The following RUSF1 variants were observed in gnomAD, a reference collection of about 807,000 sequenced individuals.
RUSF1 encodes the protein RUS family member 1.
A neutral mutation model predicts 63.0 loss-of-function variants in RUSF1; 58 were observed. That is an observed-to-expected ratio of 0.92 (90% confidence interval 0.75 to 1.15). RUSF1 has a LOEUF of 1.15. RUSF1 is among the 50% of genes most tolerant of loss of function. The pLI, the probability that RUSF1 is intolerant of heterozygous loss-of-function variation, is 0.00. For missense variants in RUSF1, 652 were observed against 611.0 expected, an observed-to-expected ratio of 1.07 and a Z score of -0.71; for synonymous variants, 274 against 255.8, an observed-to-expected ratio of 1.07 and a Z score of -0.68.
rs138861487 is a variant in RUSF1 at position 31,490,128 on chromosome 16, C to T, written c.*707G>A. 32 of 1,614,032 alleles carry T rather than the reference C, an allele frequency of 2.0e-5. No homozygotes were observed. Among genetic ancestry groups the T allele is most frequent in the African/African-American group, 4.0e-5 (3 of 75,036 alleles). On this transcript the variant is annotated 3_prime_UTR_variant, in exon 13 of 13. Transcript: ENST00000327237. ...GCTCCACCGCCTGGTCTTCAGTCTC[C>T]GGCATAGCAAGGAGGAACGGGAGGA...
In RUSF1 at chr16:31,499,182, AGAAACATCT is replaced by A. The variant is rs2082619252; in HGVS notation, c.600+111_600+119del. On this transcript the variant is annotated intron_variant, in intron 5 of 12. Transcript: ENST00000327237. ...TCAGAAAGGATGGTTGGGTTCGAGT[AGAAACATCT>A]GAACTTTCTTATTCTTCTTGAAGTG... 4.3e-6 allele frequency: 4 copies of A among 926,766 alleles called. No homozygotes were observed. The East Asian group carries it at 1.0e-4, about 24-fold the overall frequency. The allele number at this position is 926,766 out of a possible 1,614,324, so 57.4% of individuals were successfully genotyped here.
rs376015632 is a variant in RUSF1 at position 31,493,758 on chromosome 16, G to C, written c.803C>G (p.Thr268Ser). 4 of 1,614,266 alleles carry C rather than the reference G, an allele frequency of 2.5e-6. No homozygotes were observed. The highest frequency in any genetic ancestry group is 3.4e-6 in the Non-Finnish European group (4 of 1,180,052). Reference protein sequence around the residue: ...GFSLGCFFFLTALHIYANYRA... With the variant: ...GFSLGCFFFLSALHIYANYRA... The stretch of plus-strand genomic sequence containing the variant: ...GTAGTTGGCGTAGATGTGGAGGGCA[G>C]TGAGGAAGAAGAAACATCCAAGGCT... Residue 268 changes from threonine to serine, a missense_variant, in exon 8 of 13, where the codon ACT becomes AGT. By Grantham distance (58) the Thr-to-Ser change is moderately conservative. Coordinates refer to ENST00000327237, the MANE Select transcript of RUSF1 (RefSeq NM_022744.4).
intron 2 of RUSF1, among the ~76,000 whole-genome samples, chr16:31,501,679 G>C (rs180983788): frequency 6.6e-6 from 1 of 151,968 alleles, no homozygotes; most frequent in East Asian, 1.9e-4. Flanking sequence ...CAGAGTAAGA[G>C]AAGTCTCTGG....
rs776022013 is a variant in RUSF1 at position 31,490,287 on chromosome 16, G to A, written c.*548C>T. On this transcript the variant is annotated 3_prime_UTR_variant, in exon 13 of 13. Transcript: ENST00000327237. ...GGAGCTGAGTTCCCGCAAACTAACT[G>A]CAGGGCCTCAATTTCCCTCAGAGCC... 2.4e-5 allele frequency: 38 copies of A among 1,613,394 alleles called. No homozygotes were observed. The highest frequency in any genetic ancestry group is 5.5e-5 in the South Asian group (5 of 91,020).
intron 12 of RUSF1, among the ~76,000 whole-genome samples, chr16:31,491,179 C>T (rs2082565092): frequency 6.6e-6 from 1 of 152,210 alleles, no homozygotes; most frequent in Non-Finnish European, 1.5e-5. Context: ...GGCCTCCCTG[C>T]TCCATCCTCC....
intron 2 of RUSF1, among the ~76,000 whole-genome samples, chr16:31,504,682 T>C (rs769510866): frequency 6.6e-6 from 1 of 152,204 alleles, no homozygotes; most frequent in Non-Finnish European, 1.5e-5. Flanking sequence ...GATGGTGAAA[T>C]AGCACAAACT....
chr16:31,505,889 C>G (rs1256587887), intron 2 of RUSF1, among the ~76,000 whole-genome samples: 1 of 152,158 alleles, frequency 6.6e-6, no homozygotes, highest in East Asian at 1.9e-4. Context: ...GTAACCTTTT[C>G]ACCAAAACAG....
chr16:31,497,008 A>C, intron 5 of RUSF1, 58 bp from the exon 6 acceptor site: 11 of 1,392,230 alleles, frequency 7.9e-6, no homozygotes, highest in Non-Finnish European at 1.1e-5. Flanking sequence ...TAACACAGGC[A>C]CTCAGACCAG....
At chr16:31,498,634 C>T (rs1453613926) in intron 5 of RUSF1, among the ~76,000 whole-genome samples, 2 of 152,206 alleles carry the variant, frequency 1.3e-5, no homozygotes, top group Admixed American at 6.5e-5. Context: ...AAGGGTTGTG[C>T]AGGCAACAGC....
Position 31,490,920 on chromosome 16 carries a change from G to A in RUSF1, c.1322C>T (p.Ala441Val). The change falls in exon 13 of 13, where the codon GCC becomes GTC. Residue 441 changes from alanine to valine, a missense_variant. Coordinates refer to ENST00000327237, the MANE Select transcript of RUSF1 (RefSeq NM_022744.4). ...CTGGTGCTTCTCGGTCTTCCAGCCG[G>A]CATCCTGCAGTCCTGGGGAGAGATC... Reference protein sequence around the residue: ...FPKFLKGLQDAGWKTEKHQLE... With the variant: ...FPKFLKGLQDVGWKTEKHQLE... 1 of 1,614,052 alleles carries A rather than the reference G, an allele frequency of 6.2e-7. No homozygotes were observed. The highest frequency in any genetic ancestry group is 8.5e-7 in the Non-Finnish European group (1 of 1,180,026).
rs115682779 is a variant in RUSF1 at position 31,506,553 on chromosome 16, G to T, written c.415+1211C>A. On this transcript the variant is annotated intron_variant, in intron 2 of 12. Transcript: ENST00000327237. ...TCCCAGCACTTTGGGAAGCTGAGGC[G>T]AATGGATCACCCGAAGTCAGGAGTT... Among the ~76,000 whole-genome samples, 848 of 152,310 alleles carry T rather than the reference G, an allele frequency of 5.6e-3. 6 individuals are homozygous for T. The highest frequency in any genetic ancestry group is 0.019 in the African/African-American group (809 of 41,568).
chr16:31,490,548 T>TG lies in RUSF1; in HGVS notation c.*286dup. 1 of 1,594,608 alleles carries TG rather than the reference T, an allele frequency of 6.3e-7. No individual in the cohort carries two copies. Among genetic ancestry groups the TG allele is most frequent in the Non-Finnish European group, 8.6e-7 (1 of 1,166,586 alleles). On this transcript the variant is annotated 3_prime_UTR_variant, in exon 13 of 13. Transcript: ENST00000327237. ...CTTCTATGCCTAAGACCAACTGCGT[T>TG]GGACACCATAAGCCACAGCCTCACA... is the stretch of plus-strand genomic sequence containing the variant.
Position 31,490,936 on chromosome 16 carries a change from G to A in RUSF1, c.1310-4C>T. 6.2e-7 allele frequency: 1 copy of A among 1,613,964 alleles called. No homozygotes were observed. The highest frequency in any genetic ancestry group is 1.7e-4 in the Middle Eastern group (1 of 6,058). On this transcript the variant is annotated splice_region_variant and splice_polypyrimidine_tract_variant and intron_variant, in intron 12 of 12. Transcript: ENST00000327237. The stretch of plus-strand genomic sequence containing the variant: ...TTCCAGCCGGCATCCTGCAGTCCTG[G>A]GGAGAGATCATGGGGTGCTGCCGGG...
chr16:31,492,477 C>A, intron 10 of RUSF1, 137 bp from the exon 11 acceptor site: 1 of 994,318 alleles, frequency 1.0e-6, no homozygotes, highest in Non-Finnish European at 1.4e-6. Flanking sequence ...CTTTCCTTTC[C>A]AATTCATCTC....
chr16:31,492,302 T>C lies in RUSF1; in HGVS notation c.1126A>G (p.Lys376Glu), dbSNP rs1224551392. 6.2e-7 allele frequency: 1 copy of C among 1,603,000 alleles called. No homozygotes were observed. The highest frequency in any genetic ancestry group is 1.1e-5 in the South Asian group (1 of 89,784). ...TGTGTGGCGGCCCTTAGGATGGTCTTGGGGCCTGCCTTCTGGTTCAGAACT... is the reference window on the plus strand; with the variant it reads ...TGTGTGGCGGCCCTTAGGATGGTCTCGGGGCCTGCCTTCTGGTTCAGAACT... ...QVVLNQKAGP[K>E]TILRAATHGL... The change falls in exon 11 of 13, where the codon AAG becomes GAG. Residue 376 changes from lysine (K) to glutamate (E), a missense_variant. Coordinates refer to ENST00000327237, the MANE Select transcript of RUSF1 (RefSeq NM_022744.4).
chr16:31,503,374 G>T (rs2082642054), intron 2 of RUSF1, among the ~76,000 whole-genome samples: 1 of 152,122 alleles, frequency 6.6e-6, no homozygotes, highest in Non-Finnish European at 1.5e-5. Context: ...AATGAATAAT[G>T]GCAGCTAACT....
At chr16:31,504,808 T>A (rs2082650092) in intron 2 of RUSF1, among the ~76,000 whole-genome samples, 1 of 152,232 alleles carries the variant, frequency 6.6e-6, no homozygotes, top group South Asian at 2.1e-4. Flanking sequence ...TGAGATGCTG[T>A]TAATCTGTAA....
Position 31,490,843 on chromosome 16 carries a change from CCTT to C in RUSF1, c.1396_1398del (p.Lys466del), listed in dbSNP as rs775104009. The stretch of plus-strand genomic sequence containing the variant: ...GCCTCCGTCTGGGCTGCTCACAAGA[CCTT>C]CTTTTCGGGAGACAGAAGCCATGTG... On this transcript the variant is annotated inframe_deletion, in exon 13 of 13. Transcript: ENST00000327237. 1.2e-5 allele frequency: 19 copies of C among 1,614,100 alleles called. No homozygotes were observed. In the South Asian group the frequency reaches 1.5e-4, roughly 13 times the overall value.
intron 5 of RUSF1, among the ~76,000 whole-genome samples, chr16:31,498,889 C>T (rs1290197795): frequency 6.6e-6 from 1 of 152,182 alleles, no homozygotes; most frequent in Non-Finnish European, 1.5e-5. Flanking sequence ...ATTTAGAATA[C>T]CTGTACCTAT....
Sources: allele counts gnomAD v4.1 joint callset (sites outside exome capture counted in the v4.1 genomes callset), GRCh38; gene constraint gnomAD v4.1.1; transcripts MANE v1.5; gene names NCBI Gene and HGNC (gene_info 2026-07-23, HGNC 2026-07-21).